Variants in ZBTB16 observed in about 807,000 individuals in gnomAD.
The protein encoded by ZBTB16 is zinc finger and BTB domain-containing protein 16.
ZBTB16 carries 8 observed loss-of-function variants against 56.8 expected under a neutral mutation model. The ratio of observed to expected loss-of-function variants is 0.14; its 90% confidence interval spans 0.08 to 0.25. The LOEUF (loss-of-function observed/expected upper bound fraction) is 0.25. Ranked by LOEUF, ZBTB16 falls within the 10% of genes least tolerant of loss-of-function variation. ZBTB16 has a pLI of 1.00. For missense variants in ZBTB16, 625 were observed against 903.0 expected, an observed-to-expected ratio of 0.69 and a Z score of 3.95; for synonymous variants, 363 against 368.5, an observed-to-expected ratio of 0.98 and a Z score of 0.17.
At position 114,256,030 on chromosome 11, in the gene ZBTB16, T is replaced by G. The variant is rs915695950; in HGVS notation, c.*5475T>G. ...GTACTTGGTTTTGTTTTGTTTTTTT[T>G]TTTTGTTTTTTTTGCCTTTTCTTGT... On this transcript the variant is annotated 3_prime_UTR_variant, in exon 7 of 7. Coordinates refer to ENST00000335953, the MANE Select transcript of ZBTB16 (RefSeq NM_006006.6). Among the ~76,000 whole-genome samples, 11 of 119,566 alleles carry G rather than the reference T, an allele frequency of 9.2e-5. No homozygotes were observed. The highest frequency in any genetic ancestry group is 1.5e-4 in the Non-Finnish European group (8 of 54,504). The allele number at this position is 119,566 out of a possible 152,430, so 78.4% of individuals were successfully genotyped here.
chr11:114,165,412 G>A (rs1942721267), intron 3 of ZBTB16, among the ~76,000 whole-genome samples: 1 of 152,228 alleles, frequency 6.6e-6, no homozygotes, highest in East Asian at 1.9e-4. Flanking sequence ...TGCTGGTACT[G>A]TGCTCTCCTG....
chr11:114,236,487 G>A (rs1485360737), intron 4 of ZBTB16, among the ~76,000 whole-genome samples: 2 of 152,160 alleles, frequency 1.3e-5, no homozygotes, highest in African/African-American at 4.8e-5. Context: ...CAGACATGGA[G>A]TGACAACGAA....
At chr11:114,135,925 A>G (rs1021519496) in intron 2 of ZBTB16, among the ~76,000 whole-genome samples, 1 of 152,220 alleles carries the variant, frequency 6.6e-6, no homozygotes, top group African/African-American at 2.4e-5. Context: ...TATTCAGCTC[A>G]AAGGAAAGAA....
chr11:114,231,909 T>C (rs1944447386), intron 4 of ZBTB16, among the ~76,000 whole-genome samples: 1 of 152,180 alleles, frequency 6.6e-6, no homozygotes, highest in African/African-American at 2.4e-5. Flanking sequence ...TTCATTTTAC[T>C]GTTGAGGAAA....
intron 2 of ZBTB16, among the ~76,000 whole-genome samples, chr11:114,072,382 G>A (rs778958698): frequency 6.6e-6 from 1 of 152,194 alleles, no homozygotes; most frequent in African/African-American, 2.4e-5. Flanking sequence ...CACTGCCATC[G>A]GGTCCAAATG....
intron 2 of ZBTB16, among the ~76,000 whole-genome samples, chr11:114,065,461 G>C (rs1050276809): frequency 1.1e-4 from 16 of 151,966 alleles, no homozygotes; most frequent in African/African-American, 3.9e-4. Context: ...TCCTTGCCCA[G>C]GCTGGAGTGC....
At position 114,121,979 on chromosome 11, in the gene ZBTB16, T is replaced by A. The variant is rs1025922765; in HGVS notation, c.1269-34358T>A. 3 of 352,238 alleles carry A rather than the reference T, an allele frequency of 8.5e-6. No individual in the cohort carries two copies. The Admixed American group carries it at 1.1e-4, about 13-fold the overall frequency. The allele number at this position is 352,238 out of a possible 1,614,324, so 21.8% of individuals were successfully genotyped here. A position where few individuals can be genotyped will look rare whatever the true frequency, so the allele number is the denominator to read the frequency against. ...CTTCCTGAGTCCCAAGTCCACAGAT[T>A]TTACTGAGGACTGAAATGGCTGCAT... On this transcript the variant is annotated intron_variant, in intron 2 of 6. Coordinates refer to ENST00000335953, the MANE Select transcript of ZBTB16 (RefSeq NM_006006.6).
rs1938755631 is a variant in ZBTB16, at chr11:114,059,986, C to T, written c.-91+104C>T. 1 of 392,998 alleles carries T rather than the reference C, an allele frequency of 2.5e-6. No individual in the cohort carries two copies. Among genetic ancestry groups the T allele is most frequent in the Non-Finnish European group, 4.5e-6 (1 of 222,886 alleles). 24.3% of individuals were successfully genotyped at this position (392,998 alleles called of 1,614,324 possible). On this transcript the variant is annotated intron_variant, in intron 1 of 6. Transcript: ENST00000335953. The surrounding 1 kb of genome is among the most constrained non-coding windows in gnomAD (Gnocchi z 5.3). ...GGGGCGCGCGCTCGCTTCGGCCACT[C>T]GGCCGCTGGGCTTGTGCCTTTTTTA...
At chr11:114,163,399 T>C (rs1251753861) in intron 3 of ZBTB16, among the ~76,000 whole-genome samples, 1 of 152,102 alleles carries the variant, frequency 6.6e-6, no homozygotes, top group African/African-American at 2.4e-5. Flanking sequence ...TTGGTTTTGT[T>C]GTGTGGGTTG....
intron 2 of ZBTB16, among the ~76,000 whole-genome samples, chr11:114,095,245 CTTTTTTTTTT>C (rs745895999): frequency 1.1e-5 from 1 of 90,480 alleles, no homozygotes; most frequent in South Asian, 3.4e-4. Context: ...CTTTTCTTTT[CTTTTTTTTTT>C]TTTTTTTTTT....
At chr11:114,245,652 C>T (rs374946504) in intron 5 of ZBTB16, among the ~76,000 whole-genome samples, 56 of 152,146 alleles carry the variant, frequency 3.7e-4, no homozygotes, top group African/African-American at 1.0e-3. Flanking sequence ...GAGTCTATAA[C>T]GAGAAGGACA....
At chr11:114,178,301 C>G (rs1468986818) in intron 3 of ZBTB16, among the ~76,000 whole-genome samples, 1 of 152,182 alleles carries the variant, frequency 6.6e-6, no homozygotes, top group Non-Finnish European at 1.5e-5. Context: ...GTATGCCAGA[C>G]AGGGTATTAA....
chr11:114,074,391 G>C (rs902311359), intron 2 of ZBTB16, among the ~76,000 whole-genome samples: 2 of 152,166 alleles, frequency 1.3e-5, no homozygotes, highest in African/African-American at 4.8e-5. Flanking sequence ...GTGTTAATTT[G>C]GGGGAGCTTT....
In ZBTB16 at chr11:114,251,324, G is replaced by T. The variant is rs926454581; in HGVS notation, c.*769G>T. Among the ~76,000 whole-genome samples the T allele has an allele frequency of 3.3e-5, 5 of 152,000 alleles. No homozygotes were observed. The highest frequency in any genetic ancestry group is 9.7e-5 in the African/African-American group (4 of 41,372). ...GTGGGATAGCTGCCTCTGACTTCAG[G>T]GTCCCTCCTACCCTCAGCCTTCTGA... On this transcript the variant is annotated 3_prime_UTR_variant, in exon 7 of 7. Coordinates refer to ENST00000335953, the MANE Select transcript of ZBTB16 (RefSeq NM_006006.6).
At chr11:114,110,088 G>T (rs1010701650) in intron 2 of ZBTB16, among the ~76,000 whole-genome samples, 1 of 151,994 alleles carries the variant, frequency 6.6e-6, no homozygotes, top group Non-Finnish European at 1.5e-5. Flanking sequence ...GAAGAATGTG[G>T]GGGACTTAGG....
Position 114,250,713 on chromosome 11 carries a change from C to T in ZBTB16, c.*158C>T. ...TTTGGCCTTGGATTCTCTCTGGGCT[C>T]CAGATGACCTGGATGCCAAGCCACT... On this transcript the variant is annotated 3_prime_UTR_variant, in exon 7 of 7. Coordinates refer to ENST00000335953, the MANE Select transcript of ZBTB16 (RefSeq NM_006006.6). This position sits in a 1 kb window ranked among gnomAD's most constrained non-coding sequence, Gnocchi z 6.0. 1 of 791,818 alleles carries T rather than the reference C, an allele frequency of 1.3e-6. No homozygotes were observed. Among genetic ancestry groups the T allele is most frequent in the Non-Finnish European group, 2.0e-6 (1 of 504,338 alleles). 49.0% of individuals were successfully genotyped at this position (791,818 alleles called of 1,614,324 possible).
At position 114,190,726 on chromosome 11, in the gene ZBTB16, C is replaced by G. The variant is rs1237672277; in HGVS notation, c.1453+3688C>G. 7.0e-5 allele frequency among the ~76,000 whole-genome samples: 6 copies of G among 86,154 alleles called. No individual in the cohort carries two copies. In the South Asian group the frequency reaches 1.8e-3, roughly 26 times the overall value. 56.5% of individuals were successfully genotyped at this position (86,154 alleles called of 152,430 possible). A position where few individuals can be genotyped will look rare whatever the true frequency, so the allele number is the denominator to read the frequency against. On this transcript the variant is annotated intron_variant, in intron 4 of 6. Transcript: ENST00000335953. ...CTGGCATCACTCATGCCACCTCTCT[C>G]TCATACACACACACACACACACACA...
At chr11:114,113,953 A>C (rs1460839755) in intron 2 of ZBTB16, among the ~76,000 whole-genome samples, 1 of 152,236 alleles carries the variant, frequency 6.6e-6, no homozygotes, top group Non-Finnish European at 1.5e-5. Context: ...GTTTAAATCC[A>C]TGGTAAGGCG....
Position 114,172,641 on chromosome 11 carries a change from G to A in ZBTB16, c.1367-14311G>A, listed in dbSNP as rs116147484. On this transcript the variant is annotated intron_variant, in intron 3 of 6. Transcript: ENST00000335953. ...ACAGCTCACGTGGTACAGATTGCACGTTTGCAGATGCTCACCCTGAAGCTT... is the reference window on the plus strand; with the variant it reads ...ACAGCTCACGTGGTACAGATTGCACATTTGCAGATGCTCACCCTGAAGCTT... 4.5e-3 allele frequency among the ~76,000 whole-genome samples: 689 copies of A among 152,288 alleles called. 6 individuals carry two copies. The highest frequency in any genetic ancestry group is 0.016 in the African/African-American group (654 of 41,556).
Sources: allele counts gnomAD v4.1 joint callset (sites outside exome capture counted in the v4.1 genomes callset), GRCh38; gene constraint gnomAD v4.1.1; non-coding constraint Gnocchi (gnomAD v3.1); transcripts MANE v1.5; gene names NCBI Gene and HGNC (gene_info 2026-07-23, HGNC 2026-07-21).